UNC13D: variants seen among roughly 807,000 people sequenced by gnomAD.
UNC13D encodes the protein protein unc-13 homolog D.
In UNC13D, 115 loss-of-function variants were observed where a neutral mutation model predicts 151.7. The observed-to-expected ratio is 0.76, with a 90% CI of 0.65 to 0.88. UNC13D has a LOEUF of 0.88. Among genes scored for constraint, UNC13D ranks in the 40% least tolerant of loss-of-function variants. The probability of loss-of-function intolerance (pLI) is 0.00; values close to 1 mark genes in which losing one functional copy is unlikely to be tolerated. For missense variants in UNC13D, 1,369 were observed against 1,438.7 expected (o/e 0.95, Z 0.78); for synonymous variants, 588 against 612.2 (o/e 0.96, Z 0.58).
At position 75,844,344 on chromosome 17, in the gene UNC13D, C is replaced by T. The variant is rs1201683396; in HGVS notation, c.-7G>A. 6.2e-7 allele frequency: 1 copy of T among 1,604,254 alleles called. No individual in the cohort carries two copies. Among genetic ancestry groups the T allele is most frequent in the Non-Finnish European group, 8.5e-7 (1 of 1,176,416 alleles). ...GGGAGAGGAGTGTCGCCATGGTGGCCTTCTCTGCCCTTCCCTGTCCGCTGG... is the reference window on the plus strand; with the variant it reads ...GGGAGAGGAGTGTCGCCATGGTGGCTTTCTCTGCCCTTCCCTGTCCGCTGG... On this transcript the variant is annotated 5_prime_UTR_variant, in exon 1 of 32. Coordinates refer to ENST00000207549, the MANE Select transcript of UNC13D (RefSeq NM_199242.3).
chr17:75,844,072 G>A (rs925740082), intron 1 of UNC13D, 149 bp downstream of exon 1: 1 of 1,471,938 alleles, frequency 6.8e-7, no homozygotes, highest in Non-Finnish European at 9.1e-7. Context: ...TGCTGGCCCA[G>A]GGGGCTCTCC....
intron 6 of UNC13D, 127 bp downstream of exon 6, chr17:75,842,306 C>T (rs771041127): frequency 2.3e-5 from 30 of 1,328,746 alleles, no homozygotes; most frequent in Non-Finnish European, 3.0e-5. Flanking sequence ...GGCTTCTCCT[C>T]TAGTCTTTGC....
chr17:75,836,073 C>G lies in UNC13D; in HGVS notation c.1483G>C (p.Val495Leu). ...PEAGKALLGL[V>L]QDVIGDLHQC... ...TGCAGGTCGCCAATGACATCCTGTA[C>G]CAGGCCCAGCAAGGCCTTGCCTGCC... The change falls in exon 17 of 32, where the codon GTA (valine) becomes CTA (leucine). Residue 495 changes from valine (V) to leucine (L), a missense_variant. By Grantham distance (32) the Val-to-Leu change is conservative (BLOSUM62 1). Transcript: ENST00000207549. 2 of 1,613,784 alleles carry G rather than the reference C, an allele frequency of 1.2e-6. No homozygotes were observed. The highest frequency in any genetic ancestry group is 1.7e-6 in the Non-Finnish European group (2 of 1,180,026).
In UNC13D at chr17:75,840,239, G is replaced by C. The variant is rs766150207; in HGVS notation, c.844C>G (p.Leu282Val). The C allele has an allele frequency of 6.2e-7, 1 of 1,614,046 alleles. No homozygotes were observed. The highest frequency in any genetic ancestry group is 1.7e-5 in the Admixed American group (1 of 60,030). Residue 282 changes from leucine (L) to valine (V), a missense_variant, in exon 10 of 32, where the codon CTC becomes GTC. Physicochemically the swap from Leu to Val is conservative, Grantham distance 32. Around this residue, in one of 3 missense-constraint regions of UNC13D, gnomAD observed 550 missense variants for 609.0 expected, o/e 0.90. Coordinates refer to ENST00000207549, the MANE Select transcript of UNC13D (RefSeq NM_199242.3). The surrounding 1 kb of genome is among the most constrained non-coding windows in gnomAD (Gnocchi z 4.6). Reference protein sequence around the residue: ...DRGQCHLQFQLIHKRRATSAS... With the variant: ...DRGQCHLQFQVIHKRRATSAS... ...ACCCGACCTACCCGCTTATGGATGA[G>C]TTGGAACTGGAGGTGGCACTGGCCT...
rs1244919509 is a variant in UNC13D at position 75,844,258 on chromosome 17, C to CT, written c.79dup (p.Arg27LysfsTer45). The CT allele has an allele frequency of 1.2e-6, 2 of 1,612,684 alleles. No homozygotes were observed. The highest frequency in any genetic ancestry group is 1.1e-5 in the South Asian group (1 of 91,088). On this transcript the variant is annotated frameshift_variant, in exon 1 of 32. Transcript: ENST00000207549. LOFTEE classifies it high-confidence loss of function. ...TTGGGGCGGGGGATCCTGTAGATCTCTGACTCTGCGGCGCCTTATCTTGAT... is the reference window on the plus strand; with the variant it reads ...TTGGGGCGGGGGATCCTGTAGATCTCTTGACTCTGCGGCGCCTTATCTTGAT...
chr17:75,828,772 TG>T lies in UNC13D; in HGVS notation c.3151+14del. The T allele has an allele frequency of 6.6e-7, 1 of 1,523,364 alleles. No homozygotes were observed. 94.4% of individuals were successfully genotyped at this position (1,523,364 alleles called of 1,614,324 possible). A position where few individuals can be genotyped will look rare whatever the true frequency, so the allele number is the denominator to read the frequency against. Reference sequence around the variant, plus strand: ...CTCCCGTCCCCGCACCACCCTGCCCTGGGCTCAGGCCTACCGTTGGGTGCGG... The same window carrying T: ...CTCCCGTCCCCGCACCACCCTGCCCTGGCTCAGGCCTACCGTTGGGTGCGG... On this transcript the variant is annotated intron_variant, in intron 31 of 31. Transcript: ENST00000207549.
chr17:75,840,422 G>T lies in UNC13D; in HGVS notation c.753+85C>A. On this transcript the variant is annotated intron_variant, in intron 9 of 31. Transcript: ENST00000207549. This position sits in a 1 kb window ranked among gnomAD's most constrained non-coding sequence, Gnocchi z 4.6. Reference sequence around the variant, plus strand: ...GGAGGTGGACCCCAGGCTCAGCTTTGTGAGGACACAGAGCCTCTCCCCAGA... The same window carrying T: ...GGAGGTGGACCCCAGGCTCAGCTTTTTGAGGACACAGAGCCTCTCCCCAGA... The T allele has an allele frequency of 6.2e-7, 1 of 1,608,398 alleles. No homozygotes were observed. Among genetic ancestry groups the T allele is most frequent in the Non-Finnish European group, 8.5e-7 (1 of 1,175,492 alleles).
intron 12 of UNC13D, among the ~76,000 whole-genome samples, chr17:75,837,520 G>A (rs113348106): frequency 1.3e-3 from 197 of 151,228 alleles, no homozygotes; most frequent in African/African-American, 4.5e-3. Context: ...TTTGGAGGCC[G>A]AGGCGGGTGG....
At position 75,842,462 on chromosome 17, in the gene UNC13D, G is replaced by C. The variant is rs531067399; in HGVS notation, c.540C>G (p.Leu180=). The C allele has an allele frequency of 1.5e-5, 24 of 1,613,144 alleles. No individual in the cohort carries two copies. The highest frequency in any genetic ancestry group is 1.3e-5 in the African/African-American group (1 of 74,940). The change falls in exon 6 of 32, where the codon CTC becomes CTG. Residue 180 remains leucine, a synonymous_variant. Transcript: ENST00000207549. ...THRTQVITQT[L]NPVWDETFIL... Reference sequence around the variant, plus strand: ...TGAAGGTCTCGTCCCAGACGGGGTTGAGTGTCTGGGTGATGACCTGCGTGC... The same window carrying C: ...TGAAGGTCTCGTCCCAGACGGGGTTCAGTGTCTGGGTGATGACCTGCGTGC...
chr17:75,834,224 C>T (rs897289076), intron 23 of UNC13D, 81 bp from the exon 24 acceptor site: 46 of 1,592,138 alleles, frequency 2.9e-5, no homozygotes, highest in East Asian at 2.0e-4. Flanking sequence ...TGAGTTTAGA[C>T]GCACGAAGGG....
At position 75,839,918 on chromosome 17, in the gene UNC13D, AC is replaced by A. The variant is rs2064935377; in HGVS notation, c.975del (p.Ser326ArgfsTer2). The A allele has an allele frequency of 6.2e-7, 1 of 1,613,564 alleles. No individual in the cohort carries two copies. The highest frequency in any genetic ancestry group is 8.5e-7 in the Non-Finnish European group (1 of 1,179,972). On this transcript the variant is annotated frameshift_variant, in exon 12 of 32. Transcript: ENST00000207549. LOFTEE classifies it high-confidence loss of function. ...QHEAGSTSWD[G>X]SLSPQAATVL... ...ACGGTGGCAGCCTGGGGACTCAGCG[AC>A]CCGTCCCAGGAGGTGCTTCCCGCCT... is the stretch of plus-strand genomic sequence containing the variant.
Position 75,836,673 on chromosome 17 carries a change from G to A in UNC13D, c.1197C>T (p.Phe399=), listed in dbSNP as rs769129311. ...AEQQEELAAS[F]SSLLTYGLSL... ...AGAGGCCGTAGGTCAGCAGGGAGCTGAATGAGGCGGCCAGCTCCTCCTGCT... is the reference window on the plus strand; with the variant it reads ...AGAGGCCGTAGGTCAGCAGGGAGCTAAATGAGGCGGCCAGCTCCTCCTGCT... The change falls in exon 14 of 32, where the codon TTC becomes TTT. Residue 399 remains phenylalanine, a synonymous_variant. Transcript: ENST00000207549. 1.9e-6 allele frequency: 3 copies of A among 1,613,584 alleles called. No homozygotes were observed. The highest frequency in any genetic ancestry group is 1.1e-5 in the South Asian group (1 of 91,090).
intron 21 of UNC13D, 93 bp downstream of exon 21, chr17:75,834,827 G>A (rs1226813972): frequency 3.1e-6 from 5 of 1,610,006 alleles, no homozygotes; most frequent in Non-Finnish European, 8.5e-7. Flanking sequence ...TACAGGCCTT[G>A]GGAGGCTGCC....
At chr17:75,836,546 C>A (rs376962606) in intron 14 of UNC13D, 26 bp downstream of exon 14, 12 of 1,613,164 alleles carry the variant, frequency 7.4e-6, no homozygotes, top group Non-Finnish European at 1.0e-5. Flanking sequence ...CTGACCCCAC[C>A]GAGGAAGAGG....
At chr17:75,831,453 C>T in intron 25 of UNC13D, 105 bp from the exon 26 acceptor site, 1 of 1,041,862 alleles carries the variant, frequency 9.6e-7, no homozygotes, top group South Asian at 1.5e-5. Flanking sequence ...CCCAGCCCCA[C>T]CCCAGCTCCT....
chr17:75,840,410 A>G lies in UNC13D; in HGVS notation c.754-81T>C, dbSNP rs2064939783. On this transcript the variant is annotated intron_variant, in intron 9 of 31. Coordinates refer to ENST00000207549, the MANE Select transcript of UNC13D (RefSeq NM_199242.3). The surrounding 1 kb of genome is among the most constrained non-coding windows in gnomAD (Gnocchi z 4.6). ...GCGGAGGCGACAGGAGGTGGACCCC[A>G]GGCTCAGCTTTGTGAGGACACAGAG... 1.9e-6 allele frequency: 3 copies of G among 1,607,786 alleles called. No individual in the cohort carries two copies. The highest frequency in any genetic ancestry group is 2.2e-5 in the South Asian group (2 of 90,924).
At chr17:75,838,926 C>T (rs1001265793) in intron 12 of UNC13D, among the ~76,000 whole-genome samples, 6 of 152,082 alleles carry the variant, frequency 3.9e-5, no homozygotes, top group African/African-American at 1.2e-4. Context: ...CGGTGAAACC[C>T]CATCTCTACT....
In UNC13D at chr17:75,840,346, C is replaced by A. The variant is rs780473660; in HGVS notation, c.754-17G>T. The A allele has an allele frequency of 6.2e-7, 1 of 1,612,350 alleles. No homozygotes were observed. On this transcript the variant is annotated splice_polypyrimidine_tract_variant and intron_variant, in intron 9 of 31. Coordinates refer to ENST00000207549, the MANE Select transcript of UNC13D (RefSeq NM_199242.3). This position sits in a 1 kb window ranked among gnomAD's most constrained non-coding sequence, Gnocchi z 4.6. ...GCGCAGGTCCTGACAGGCGGGGATG[C>A]CCAGCCCGTGAGCGTCAGAACCTCA...
In UNC13D at chr17:75,833,279, G is replaced by A. The variant is rs777450951; in HGVS notation, c.2368-234C>T. 8 of 442,398 alleles carry A rather than the reference G, an allele frequency of 1.8e-5. No homozygotes were observed. The highest frequency in any genetic ancestry group is 3.4e-5 in the Non-Finnish European group (8 of 236,258). The allele number at this position is 442,398 out of a possible 1,614,324, so 27.4% of individuals were successfully genotyped here. A position where few individuals can be genotyped will look rare whatever the true frequency, so the allele number is the denominator to read the frequency against. ...CCTGGAACCTTCCAGGCATGGTCCT[G>A]CCTCAGGGTCTCTGCCCTTGCCGTT... On this transcript the variant is annotated intron_variant, in intron 24 of 31. Transcript: ENST00000207549. This position sits in a 1 kb window ranked among gnomAD's most constrained non-coding sequence, Gnocchi z 4.0.
Sources: allele counts gnomAD v4.1 joint callset (sites outside exome capture counted in the v4.1 genomes callset), GRCh38; gene constraint gnomAD v4.1.1; regional missense constraint gnomAD v4.1.1; non-coding constraint Gnocchi (gnomAD v3.1); transcripts MANE v1.5; gene names NCBI Gene and HGNC (gene_info 2026-07-23, HGNC 2026-07-21).